TBC1D14: variants seen among roughly 807,000 people sequenced by gnomAD.
TBC1D14 encodes the protein TBC1 domain family member 14, also known as TBC1 domain family, member 14.
A neutral mutation model predicts 79.0 loss-of-function variants in TBC1D14; 26 were observed. The observed-to-expected ratio is 0.33, with a 90% CI of 0.24 to 0.46. The LOEUF (loss-of-function observed/expected upper bound fraction) is 0.46. Ranked by LOEUF, TBC1D14 falls within the 20% of genes least tolerant of loss-of-function variation. TBC1D14 has a pLI of 1.00. For synonymous variants in TBC1D14, 394 were observed against 349.9 expected, an observed-to-expected ratio of 1.13 and a Z score of -1.40; for missense variants, 769 against 887.6, an observed-to-expected ratio of 0.87 and a Z score of 1.70.
chr4:7,002,139 G>A (rs935638094), intron 7 of TBC1D14, among the ~76,000 whole-genome samples: 5 of 152,156 alleles, frequency 3.3e-5, no homozygotes, highest in African/African-American at 7.2e-5. Context: ...ACGCCCTCAC[G>A]GAGCGTCAGC....
rs949651107 is a variant in TBC1D14 at position 6,944,923 on chromosome 4, A to G, written c.722+20812A>G. Among the ~76,000 whole-genome samples, 14 of 152,246 alleles carry G rather than the reference A, an allele frequency of 9.2e-5. No individual in the cohort carries two copies. The East Asian group carries it at 2.7e-3, about 29-fold the overall frequency. ...CTTCCTTTTAGTCCAGTGGTGTTTC[A>G]GGTGTCTTGCTCTTACTGGAGCTCC... is the stretch of plus-strand genomic sequence containing the variant. On this transcript the variant is annotated intron_variant, in intron 2 of 13. Coordinates refer to ENST00000409757, the MANE Select transcript of TBC1D14 (RefSeq NM_020773.3).
At chr4:6,953,138 C>T (rs1451417890) in intron 2 of TBC1D14, among the ~76,000 whole-genome samples, 3 of 148,926 alleles carry the variant, frequency 2.0e-5, no homozygotes, top group African/African-American at 4.9e-5. Context: ...CAGTTCTTTG[C>T]CTCAGCCTCC....
chr4:6,934,129 A>T (rs964953702), intron 2 of TBC1D14, among the ~76,000 whole-genome samples: 2 of 152,034 alleles, frequency 1.3e-5, no homozygotes, highest in Non-Finnish European at 2.9e-5. Context: ...GGAGGTATAC[A>T]TTGACTTGTT....
intron 2 of TBC1D14, among the ~76,000 whole-genome samples, chr4:6,963,078 A>G (rs1715375737): frequency 6.6e-6 from 1 of 152,166 alleles, no homozygotes; most frequent in Non-Finnish European, 1.5e-5. Flanking sequence ...GAATGGAGGG[A>G]ATGCCCTGTG....
At chr4:6,911,372 G>A (rs1445236300) in intron 1 of TBC1D14, among the ~76,000 whole-genome samples, 1 of 152,228 alleles carries the variant, frequency 6.6e-6, no homozygotes. Flanking sequence ...CCACCCACAT[G>A]GGGAGAGTCA....
chr4:7,029,396 C>G (rs1722810646), intron 13 of TBC1D14, among the ~76,000 whole-genome samples: 1 of 152,274 alleles, frequency 6.6e-6, no homozygotes, highest in Admixed American at 6.5e-5. Flanking sequence ...GTTCAGGCCC[C>G]TCATGTTGGG....
chr4:6,985,155 C>G (rs1027619234), intron 3 of TBC1D14, among the ~76,000 whole-genome samples: 1 of 152,180 alleles, frequency 6.6e-6, no homozygotes, highest in African/African-American at 2.4e-5. Context: ...CTGCTAAATA[C>G]TTCAGCACAC....
intron 3 of TBC1D14, chr4:6,987,038 G>T: frequency 2.3e-6 from 1 of 443,960 alleles, no homozygotes; most frequent in Non-Finnish European, 3.3e-6. Context: ...CGCGTCCCCG[G>T]TGTTTACGGC....
intron 2 of TBC1D14, among the ~76,000 whole-genome samples, chr4:6,947,630 C>G (rs1483033638): frequency 6.6e-6 from 1 of 151,062 alleles, no homozygotes; most frequent in Non-Finnish European, 1.5e-5. Flanking sequence ...CCACGGCACT[C>G]CCGCCTGGGC....
intron 2 of TBC1D14, among the ~76,000 whole-genome samples, chr4:6,926,217 G>A (rs971754336): frequency 2.0e-5 from 3 of 152,210 alleles, no homozygotes; most frequent in African/African-American, 4.8e-5. Context: ...CCTTCCTTCC[G>A]TGGCAGTGGG....
intron 3 of TBC1D14, among the ~76,000 whole-genome samples, chr4:6,978,178 C>T (rs1343312081): frequency 7.9e-4 from 119 of 151,516 alleles, no homozygotes; most frequent in African/African-American, 2.7e-3. Flanking sequence ...CGCCTCTGCC[C>T]GGCCGCCCCT....
At chr4:6,927,418 T>C (rs1467716367) in intron 2 of TBC1D14, among the ~76,000 whole-genome samples, 1 of 152,152 alleles carries the variant, frequency 6.6e-6, no homozygotes, top group Admixed American at 6.6e-5. Context: ...GAGCCTTAAG[T>C]AGGGGATAAA....
intron 2 of TBC1D14, among the ~76,000 whole-genome samples, chr4:6,930,236 T>C (rs1033909432): frequency 6.6e-6 from 1 of 152,334 alleles, no homozygotes; most frequent in East Asian, 1.9e-4. Context: ...AATTGCTTCT[T>C]GAGCCATCGC....
At chr4:7,005,121 C>T (rs776434148) in intron 8 of TBC1D14, among the ~76,000 whole-genome samples, 197 bp downstream of exon 8, 13 of 152,036 alleles carry the variant, frequency 8.6e-5, no homozygotes, top group Non-Finnish European at 1.8e-4. Context: ...AGAAATTGGC[C>T]GGGTGTGGTG....
At chr4:6,996,652 G>A (rs1415039871) in intron 5 of TBC1D14, among the ~76,000 whole-genome samples, 2 of 152,194 alleles carry the variant, frequency 1.3e-5, no homozygotes, top group East Asian at 1.9e-4. Context: ...GGGGAGAAGC[G>A]GTGAGACCGC....
At chr4:6,912,316 G>T (rs1426090074) in intron 1 of TBC1D14, among the ~76,000 whole-genome samples, 1 of 149,944 alleles carries the variant, frequency 6.7e-6, no homozygotes, top group Non-Finnish European at 1.5e-5. Flanking sequence ...GGAGGTGGAG[G>T]TTGCAGTGAG....
At chr4:6,910,044 G>A (rs1722843123) in intron 1 of TBC1D14, 93 bp downstream of exon 1, 1 of 147,876 alleles carries the variant, frequency 6.8e-6, no homozygotes, top group African/African-American at 2.4e-5. Context: ...GGCCGAGGCG[G>A]GGAGCGGCCG....
At chr4:6,919,178 C>G (rs1299819390) in intron 1 of TBC1D14, among the ~76,000 whole-genome samples, 1 of 149,788 alleles carries the variant, frequency 6.7e-6, no homozygotes, top group Admixed American at 6.6e-5. Flanking sequence ...ACGGAGTTTT[C>G]TCTTGTTGGG....
Position 6,993,380 on chromosome 4 carries a change from A to G in TBC1D14, c.844-804A>G, listed in dbSNP as rs1332493733. ...CAGCTGGGCGTTTGGAATGTGGGTC[A>G]CCGGGTGTGAATGAGCTCTTGTGGT... On this transcript the variant is annotated intron_variant, in intron 3 of 13. Transcript: ENST00000409757. 2.6e-5 allele frequency among the ~76,000 whole-genome samples: 4 copies of G among 152,198 alleles called. 1 individual carries two copies. In the South Asian group the frequency reaches 8.3e-4, roughly 31 times the overall value.
Sources: gnomAD v4.1 joint callset for allele counts (sites outside exome capture counted in the v4.1 genomes callset) on GRCh38, gnomAD v4.1.1 for gene constraint, MANE v1.5 for transcripts, NCBI Gene and HGNC (gene_info 2026-07-23, HGNC 2026-07-21) for gene names.